SMAD3: variants seen among roughly 807,000 people sequenced by gnomAD.
SMAD3 encodes the protein MAD homolog 3.
In SMAD3, 12 loss-of-function variants were observed where a neutral mutation model predicts 51.8. The ratio of observed to expected loss-of-function variants is 0.23; its 90% CI spans 0.15 to 0.38. The LOEUF (loss-of-function observed/expected upper bound fraction) is 0.38. Ranked by LOEUF, SMAD3 falls within the 10% of genes least tolerant of loss-of-function variation. The pLI is 1.00. For synonymous variants in SMAD3, 238 were observed against 227.7 expected (o/e 1.05, Z -0.41); for missense variants, 294 against 565.6 (o/e 0.52, Z 4.87).
At chr15:67,096,358 T>A in intron 1 of SMAD3, among the ~76,000 whole-genome samples, 1 of 152,214 alleles carries the variant, frequency 6.6e-6, no homozygotes, top group East Asian at 1.9e-4. Flanking sequence ...GTTTCTCTGG[T>A]TCTGGTACAT....
intron 1 of SMAD3, among the ~76,000 whole-genome samples, chr15:67,143,685 C>G (rs549454085): frequency 6.6e-6 from 1 of 152,230 alleles, no homozygotes; most frequent in Non-Finnish European, 1.5e-5. Flanking sequence ...CCACCCACCT[C>G]GACCTCCCAA....
intron 1 of SMAD3, among the ~76,000 whole-genome samples, chr15:67,159,887 C>T (rs1034249446): frequency 6.6e-6 from 1 of 152,114 alleles, no homozygotes; most frequent in African/African-American, 2.4e-5. Flanking sequence ...AGTTGTATTT[C>T]TTTGTATGGA....
intron 1 of SMAD3, among the ~76,000 whole-genome samples, chr15:67,087,114 C>A (rs1960410990): frequency 6.6e-6 from 1 of 152,086 alleles, no homozygotes; most frequent in Non-Finnish European, 1.5e-5. Flanking sequence ...TCTTGAACTC[C>A]TGACTTCAGG....
At chr15:67,176,605 AG>A (rs1410213748) in intron 5 of SMAD3, among the ~76,000 whole-genome samples, 3 of 152,212 alleles carry the variant, frequency 2.0e-5, no homozygotes, top group Non-Finnish European at 4.4e-5. Flanking sequence ...CCTTAATCCA[AG>A]TGTTGCCTTC....
rs116664293 is a variant in SMAD3 at position 67,137,631 on chromosome 15, G to A, written c.207-27264G>A. ...TTTCTATGAGGTTTGATTTTTTCAG[G>A]GTCAGTTTTTAAATGTAGCAAGGAG... On this transcript the variant is annotated intron_variant, in intron 1 of 8. Transcript: ENST00000327367. Among the ~76,000 whole-genome samples, 466 of 152,138 alleles carry A rather than the reference G, an allele frequency of 3.1e-3. 5 individuals are homozygous for A. The highest frequency in any genetic ancestry group is 0.011 in the African/African-American group (453 of 41,500).
chr15:67,084,215 ACAGGCGTCTG>A lies in SMAD3; in HGVS notation c.206+17857_206+17866del, dbSNP rs1035560759. On this transcript the variant is annotated intron_variant, in intron 1 of 8. Transcript: ENST00000327367. ...CTCAGCCTCCCGAGTAGCTGGCACT[ACAGGCGTCTG>A]CCACCACACCTGGCTAATTTTTTTT... Among the ~76,000 whole-genome samples, 166 of 150,556 alleles carry A rather than the reference ACAGGCGTCTG, an allele frequency of 1.1e-3. 3 individuals are homozygous for A. The highest frequency in any genetic ancestry group is 1.2e-4 in the Non-Finnish European group (8 of 67,660).
chr15:67,184,785 C>T lies in SMAD3; in HGVS notation c.930C>T (p.Asp310=). The T allele has an allele frequency of 6.2e-7, 1 of 1,614,004 alleles. No individual in the cohort carries two copies. Residue 310 remains aspartate, a synonymous_variant, in exon 7 of 9, where the codon GAC becomes GAT. Coordinates refer to ENST00000327367, the MANE Select transcript of SMAD3 (RefSeq NM_005902.4). ...GGEVFAECLS[D]SAIFVQSPNC... ...AGGTCTTCGCAGAGTGCCTCAGTGA[C>T]AGCGCTATTTTTGTCCAGTCTCCCA...
chr15:67,115,575 G>T (rs982234369), intron 1 of SMAD3, among the ~76,000 whole-genome samples: 1 of 151,742 alleles, frequency 6.6e-6, no homozygotes, highest in East Asian at 1.9e-4. Flanking sequence ...GGGTCCTCTC[G>T]CAGTGCCCCA....
At chr15:67,147,927 C>G (rs1377942955) in intron 1 of SMAD3, among the ~76,000 whole-genome samples, 1 of 152,210 alleles carries the variant, frequency 6.6e-6, no homozygotes, top group Non-Finnish European at 1.5e-5. Flanking sequence ...TGCTTCTAAC[C>G]TGCAGAAAGA....
At position 67,192,629 on chromosome 15, in the gene SMAD3, C is replaced by T. The variant is rs1248410634; in HGVS notation, c.*2093C>T. On this transcript the variant is annotated 3_prime_UTR_variant, in exon 9 of 9. Transcript: ENST00000327367. ...AGCAGTTTCCGAGGGCCTGCATGAT[C>T]CACCTGCTGCACGATCCTATGAGGG... The T allele has an allele frequency of 8.6e-6, 2 of 233,212 alleles. No homozygotes were observed. Among genetic ancestry groups the T allele is most frequent in the South Asian group, 1.8e-4 (1 of 5,532 alleles). 14.4% of individuals were successfully genotyped at this position (233,212 alleles called of 1,614,324 possible). A position where few individuals can be genotyped will look rare whatever the true frequency, so the allele number is the denominator to read the frequency against.
intron 1 of SMAD3, among the ~76,000 whole-genome samples, chr15:67,151,307 T>TC (rs1394962413): frequency 6.6e-6 from 1 of 151,174 alleles, no homozygotes; most frequent in Non-Finnish European, 1.5e-5. Flanking sequence ...AATAGCTCTT[T>TC]CTCCCCATTT....
At chr15:67,188,077 T>A (rs570398638) in intron 8 of SMAD3, among the ~76,000 whole-genome samples, 1 of 151,934 alleles carries the variant, frequency 6.6e-6, no homozygotes, top group African/African-American at 2.4e-5. Flanking sequence ...TGGGTAGTTA[T>A]AAAGGAACAA....
chr15:67,069,614 C>T (rs1221898204), intron 1 of SMAD3, among the ~76,000 whole-genome samples: 1 of 152,048 alleles, frequency 6.6e-6, no homozygotes, highest in African/African-American at 2.4e-5. Flanking sequence ...GGAATTTGGG[C>T]TTTCTTGTGT....
chr15:67,119,260 A>C (rs1238917439), intron 1 of SMAD3, among the ~76,000 whole-genome samples: 2 of 152,204 alleles, frequency 1.3e-5, no homozygotes, highest in Non-Finnish European at 2.9e-5. Context: ...GAGAACCCAG[A>C]ATGGTAAGGC....
At chr15:67,092,016 G>A (rs1184609221) in intron 1 of SMAD3, among the ~76,000 whole-genome samples, 3 of 152,220 alleles carry the variant, frequency 2.0e-5, no homozygotes, top group Non-Finnish European at 2.9e-5. Flanking sequence ...CAGTGGGCCT[G>A]TCTAGAGCAG....
At chr15:67,138,112 G>A (rs760822779) in intron 1 of SMAD3, 17 of 1,547,296 alleles carry the variant, frequency 1.1e-5, no homozygotes, top group Middle Eastern at 1.7e-4. Flanking sequence ...TAGGAGCCCC[G>A]TGCCGGGACA....
In SMAD3 at chr15:67,066,341, A is replaced by G; in HGVS notation, c.187A>G (p.Lys63Glu). 6.2e-7 allele frequency: 1 copy of G among 1,612,608 alleles called. No individual in the cohort carries two copies. Among genetic ancestry groups the G allele is most frequent in the Non-Finnish European group, 8.5e-7 (1 of 1,179,440 alleles). Residue 63 changes from lysine (K) to glutamate (E), a missense_variant, in exon 1 of 9, where the codon AAG (lysine) becomes GAG (glutamate). Physicochemically the swap from Lys to Glu is moderately conservative, Grantham distance 56. Coordinates refer to ENST00000327367, the MANE Select transcript of SMAD3 (RefSeq NM_005902.4). ...CATCACCACGCAGAACGTCAACACC[A>G]AGTGCATCACCATCCCCAGGTGGGG... ...KAITTQNVNT[K>E]CITIPRSLDG...
At chr15:67,185,284 A>G (rs1460839599) in intron 7 of SMAD3, among the ~76,000 whole-genome samples, 2 of 152,344 alleles carry the variant, frequency 1.3e-5, no homozygotes, top group Admixed American at 6.5e-5. Flanking sequence ...GATGAGTTCA[A>G]TATAAGGGAC....
rs550781781 is a variant in SMAD3 at position 67,175,768 on chromosome 15, C to T, written c.658+5164C>T. 2.5e-4 allele frequency among the ~76,000 whole-genome samples: 38 copies of T among 152,306 alleles called. No homozygotes were observed. In the East Asian group the frequency reaches 5.6e-3, roughly 22 times the overall value. ...TGTGAGCACAGGTGTGGTGGCAGGG[C>T]GGCCCGAAGACCACCAGCCCTGAGT... is the stretch of plus-strand genomic sequence containing the variant. On this transcript the variant is annotated intron_variant, in intron 5 of 8. Transcript: ENST00000327367.
Sources: gnomAD v4.1 joint callset for allele counts (sites outside exome capture counted in the v4.1 genomes callset) on GRCh38, gnomAD v4.1.1 for gene constraint, MANE v1.5 for transcripts, NCBI Gene and HGNC (gene_info 2026-07-23, HGNC 2026-07-21) for gene names.